FGF14: variants seen among roughly 807,000 people sequenced by gnomAD.
FGF14 encodes fibroblast growth factor homologous factor 4.
FGF14 carries 5 observed loss-of-function variants against 25.5 expected under a neutral mutation model. The ratio of observed to expected loss-of-function variants is 0.20; its 90% CI spans 0.10 to 0.41. The LOEUF is 0.41. FGF14 is among the 10% of genes least tolerant of loss of function. FGF14 has a pLI of 1.00. For synonymous variants in FGF14, 138 were observed against 118.3 expected, an observed-to-expected ratio of 1.17 and a Z score of -1.08; for missense variants, 222 against 320.1, an observed-to-expected ratio of 0.69 and a Z score of 2.34.
intron 2 of FGF14, among the ~76,000 whole-genome samples, chr13:101,873,980 A>G (rs2045256874): frequency 6.6e-6 from 1 of 152,136 alleles, no homozygotes; most frequent in Non-Finnish European, 1.5e-5. Flanking sequence ...GACAATGTAG[A>G]TATACACAAC....
chr13:101,758,576 A>G lies in FGF14; in HGVS notation c.409-31766T>C, dbSNP rs142057564. On this transcript the variant is annotated intron_variant, in intron 3 of 4. Coordinates refer to ENST00000376143, the MANE Select transcript of FGF14 (RefSeq NM_004115.4). ...GTGGACCTAGTAACAATAAAGATAC[A>G]GTAACCATAAAGACACAATAACTAA... is the stretch of plus-strand genomic sequence containing the variant. 3.2e-4 allele frequency among the ~76,000 whole-genome samples: 49 copies of G among 152,362 alleles called. 3 individuals carry two copies. In the East Asian group the frequency reaches 8.9e-3, roughly 28 times the overall value.
intron 1 of FGF14, among the ~76,000 whole-genome samples, chr13:102,057,438 C>T (rs1566629491): frequency 6.6e-6 from 1 of 152,092 alleles, no homozygotes; most frequent in Non-Finnish European, 1.5e-5. Context: ...CTGCCTCAGG[C>T]CCCACAATTG....
chr13:102,307,754 C>G (rs926511971), intron 1 of FGF14, among the ~76,000 whole-genome samples: 5 of 152,054 alleles, frequency 3.3e-5, no homozygotes, highest in African/African-American at 1.2e-4. Flanking sequence ...TATTACGATT[C>G]CCATTTTACA....
intron 1 of FGF14, among the ~76,000 whole-genome samples, chr13:102,149,779 C>G (rs2047003024): frequency 6.6e-6 from 1 of 152,128 alleles, no homozygotes; most frequent in Non-Finnish European, 1.5e-5. Flanking sequence ...CTCCGGAAGC[C>G]TTGTAAGGGG....
intron 3 of FGF14, among the ~76,000 whole-genome samples, chr13:101,788,863 C>CT (rs1166558353): frequency 1.3e-5 from 1 of 78,304 alleles, no homozygotes; most frequent in Admixed American, 1.8e-4. Context: ...TTATTTGTGC[C>CT]TTTTTTGACT....
At chr13:101,988,070 G>A (rs769815300) in intron 1 of FGF14, among the ~76,000 whole-genome samples, 34 of 151,956 alleles carry the variant, frequency 2.2e-4, no homozygotes, top group Admixed American at 6.6e-5. Flanking sequence ...AGTTTATACA[G>A]GAAAATACAA....
intron 1 of FGF14, among the ~76,000 whole-genome samples, chr13:102,283,748 A>G (rs1190113282): frequency 6.6e-6 from 1 of 152,226 alleles, no homozygotes; most frequent in African/African-American, 2.4e-5. Flanking sequence ...CAAAAGGGAA[A>G]CATTCAATTA....
intron 1 of FGF14, among the ~76,000 whole-genome samples, chr13:102,227,380 TA>T (rs1475446423): frequency 6.6e-6 from 1 of 152,172 alleles, no homozygotes; most frequent in East Asian, 1.9e-4. Flanking sequence ...CAGTCAAAAT[TA>T]ATGACAAAGA....
intron 1 of FGF14, among the ~76,000 whole-genome samples, chr13:102,202,112 T>C (rs2049684223): frequency 6.6e-6 from 1 of 152,196 alleles, no homozygotes; most frequent in South Asian, 2.1e-4. Flanking sequence ...TCACCGCGAC[T>C]GTAAGTTCCC....
intron 1 of FGF14, among the ~76,000 whole-genome samples, chr13:102,360,459 T>C (rs2057534091): frequency 6.6e-6 from 1 of 152,038 alleles, no homozygotes; most frequent in African/African-American, 2.4e-5. Context: ...TAGAGCAGGT[T>C]AAAAAGAAAT....
Position 101,916,734 on chromosome 13 carries a change from G to T in FGF14, c.-89C>A. 1.6e-6 allele frequency: 2 copies of T among 1,221,524 alleles called. No homozygotes were observed. Among genetic ancestry groups the T allele is most frequent in the Non-Finnish European group, 1.1e-6 (1 of 904,490 alleles). The allele number at this position is 1,221,524 out of a possible 1,614,324, so 75.7% of individuals were successfully genotyped here. On this transcript the variant is annotated 5_prime_UTR_variant, in exon 1 of 5. Transcript: ENST00000376143. ...AGGGGAAGGCGGCGGCGCAGACCGT[G>T]GCTCGCCCTCGGGGCAGAGGAGGGG...
At chr13:102,038,079 C>A (rs909584689) in intron 1 of FGF14, among the ~76,000 whole-genome samples, 1 of 152,104 alleles carries the variant, frequency 6.6e-6, no homozygotes, top group East Asian at 1.9e-4. Context: ...CAAATAAATA[C>A]ATCTAGGCTG....
In FGF14 at chr13:102,347,043, C is replaced by T. The variant is rs2057129096; in HGVS notation, c.208+54428G>A. 4.6e-5 allele frequency among the ~76,000 whole-genome samples: 7 copies of T among 152,138 alleles called. No homozygotes were observed. In the South Asian group the frequency reaches 1.5e-3, roughly 32 times the overall value. On this transcript the variant is annotated intron_variant, in intron 1 of 4. Coordinates refer to the FGF14 transcript ENST00000376131. ...TGGTAGGAGGTCTGGAGCCCATGTCCTATCAAGAAAAGCTAAGGAACCGAG... is the reference window on the plus strand; with the variant it reads ...TGGTAGGAGGTCTGGAGCCCATGTCTTATCAAGAAAAGCTAAGGAACCGAG...
chr13:101,773,771 G>A (rs752970758), intron 3 of FGF14, among the ~76,000 whole-genome samples: 24 of 150,644 alleles, frequency 1.6e-4, no homozygotes, highest in Non-Finnish European at 1.5e-4. Flanking sequence ...CTGTTAATTT[G>A]GTTTAGAGAC....
At chr13:101,889,603 C>T (rs934389159) in intron 1 of FGF14, among the ~76,000 whole-genome samples, 1 of 152,114 alleles carries the variant, frequency 6.6e-6, no homozygotes, top group Admixed American at 6.6e-5. Context: ...AGACTGCAAA[C>T]CACTCATCAA....
At chr13:102,374,180 T>C (rs2057966852) in intron 1 of FGF14, among the ~76,000 whole-genome samples, 1 of 152,142 alleles carries the variant, frequency 6.6e-6, no homozygotes. Context: ...TCATTCTTTC[T>C]AGATGTAGTT....
At chr13:102,179,560 A>G (rs1212523363) in intron 1 of FGF14, among the ~76,000 whole-genome samples, 2 of 152,182 alleles carry the variant, frequency 1.3e-5, no homozygotes, top group East Asian at 3.9e-4. Flanking sequence ...AATGCTTATT[A>G]TGCACCAGGC....
At chr13:102,256,026 T>C (rs1029753351) in intron 1 of FGF14, among the ~76,000 whole-genome samples, 1 of 152,020 alleles carries the variant, frequency 6.6e-6, no homozygotes, top group Non-Finnish European at 1.5e-5. Flanking sequence ...AACTCATTGA[T>C]TGGAAAAGTA....
At chr13:102,153,860 T>C (rs1279040948) in intron 1 of FGF14, among the ~76,000 whole-genome samples, 1 of 152,186 alleles carries the variant, frequency 6.6e-6, no homozygotes, top group Non-Finnish European at 1.5e-5. Context: ...TAATATTTAA[T>C]AACCTCTTAC....
Sources: allele counts gnomAD v4.1 joint callset (sites outside exome capture counted in the v4.1 genomes callset), GRCh38; gene constraint gnomAD v4.1.1; transcripts MANE v1.5; gene names NCBI Gene and HGNC (gene_info 2026-07-23, HGNC 2026-07-21).